MYO18B: variants seen among roughly 807,000 people sequenced by gnomAD.
MYO18B encodes unconventional myosin-XVIIIb.
MYO18B carries 204 observed loss-of-function variants against 273.0 expected under a neutral mutation model. That is an observed-to-expected ratio of 0.75 (90% confidence interval 0.67 to 0.84). The LOEUF is 0.84. MYO18B is among the 40% of genes least tolerant of loss of function. The pLI is 0.00. For synonymous variants in MYO18B, 1,330 were observed against 1,305.7 expected (o/e 1.02, Z -0.40); for missense variants, 3,212 against 3,287.6 (o/e 0.98, Z 0.56).
chr22:25,818,735 T>G (rs970477894), intron 12 of MYO18B, among the ~76,000 whole-genome samples: 1 of 152,134 alleles, frequency 6.6e-6, no homozygotes, highest in South Asian at 2.1e-4. Context: ...GGCTGAAGGG[T>G]ACCCTCCTTG....
rs556532564 is a variant in MYO18B, at chr22:25,921,331, C to T, written c.5439C>T (p.Asp1813=). ...DLRRTHALLS[D]VQLLLGTMED... The stretch of plus-strand genomic sequence containing the variant: ...GGAGGACACATGCACTGTTGTCAGA[C>T]GTGCAGCTCCTTCTGGGCACCATGG... The change falls in exon 34 of 44, where the codon GAC becomes GAT. Residue 1813 remains aspartate (D), a synonymous_variant. Transcript: ENST00000335473. The T allele has an allele frequency of 2.9e-5, 46 of 1,578,372 alleles. No individual in the cohort carries two copies. In the East Asian group the frequency reaches 5.1e-4, roughly 18 times the overall value.
At chr22:25,783,492 C>A (rs1222741920) in intron 10 of MYO18B, among the ~76,000 whole-genome samples, 1 of 131,632 alleles carries the variant, frequency 7.6e-6, no homozygotes, top group Non-Finnish European at 1.7e-5. Flanking sequence ...CCTCTCAGAA[C>A]ATCTCTCAGA....
rs117328329 is a variant in MYO18B, at chr22:25,908,908, C to T, written c.5259+476C>T. 9.8e-5 allele frequency among the ~76,000 whole-genome samples: 15 copies of T among 152,350 alleles called. No homozygotes were observed. In the East Asian group the frequency reaches 2.9e-3, roughly 29 times the overall value. ...AGTGTTCTTTTATAGCTCTCTTTCA[C>T]TCTCTGTACACACATGCAGATTTGC... On this transcript the variant is annotated intron_variant, in intron 32 of 43. Transcript: ENST00000335473.
chr22:25,790,878 G>T (rs1307036348), intron 11 of MYO18B, among the ~76,000 whole-genome samples: 1 of 152,110 alleles, frequency 6.6e-6, no homozygotes, highest in African/African-American at 2.4e-5. Flanking sequence ...AAGCCTGGGG[G>T]TCCCATCCCT....
chr22:26,035,669 A>G (rs1475563495), downstream of MYO18B, among the ~76,000 whole-genome samples: 1 of 152,232 alleles, frequency 6.6e-6, no homozygotes, highest in Non-Finnish European at 1.5e-5. Flanking sequence ...TTGAGACAAC[A>G]AATGTTGCTC....
rs1555961004 is a variant in MYO18B at position 25,948,527 on chromosome 22, T to TTCCTTCCTTC, written c.5748+699_5748+700insTCCTTCCTTC. 5.0e-3 allele frequency among the ~76,000 whole-genome samples: 553 copies of TTCCTTCCTTC among 110,466 alleles called. 14 individuals are homozygous for TTCCTTCCTTC. Among genetic ancestry groups the TTCCTTCCTTC allele is most frequent in the African/African-American group, 0.012 (346 of 29,410 alleles). The allele number at this position is 110,466 out of a possible 152,430, so 72.5% of individuals were successfully genotyped here. On this transcript the variant is annotated intron_variant, in intron 36 of 43. Transcript: ENST00000335473. ...TCTCTTTTCTCTTTCCTTCTTTCTT[T>TTCCTTCCTTC]CTTCCTTCCTTCCTTCCTTCCTTTC... is the stretch of plus-strand genomic sequence containing the variant.
intron 11 of MYO18B, among the ~76,000 whole-genome samples, chr22:25,792,497 C>A (rs11090410): frequency 9.3e-6 from 1 of 107,956 alleles, no homozygotes; most frequent in Admixed American, 1.2e-4. Flanking sequence ...TTTTTCTTTT[C>A]TTTTTTTTTT....
At chr22:25,952,179 A>G in intron 37 of MYO18B, 107 bp from the exon 38 acceptor site, 1 of 1,211,634 alleles carries the variant, frequency 8.3e-7, no homozygotes, top group Non-Finnish European at 1.2e-6. Flanking sequence ...GTAGAGAAGG[A>G]GGTGGTGTGA....
Position 25,835,439 on chromosome 22 carries a change from T to C in MYO18B, c.3204T>C (p.Thr1068=). ...CAAFEKKGAG[T]EGSSALRTCE... is the part of the protein sequence containing the mutation. ...CTTTCGAGAAGAAAGGAGCTGGGACTGAAGGTAAGGAAGCAGGGGGCTGGG... is the reference window on the plus strand; with the variant it reads ...CTTTCGAGAAGAAAGGAGCTGGGACCGAAGGTAAGGAAGCAGGGGGCTGGG... Residue 1068 remains threonine, a synonymous_variant, in exon 17 of 44, where the codon ACT becomes ACC. Coordinates refer to ENST00000335473, the MANE Select transcript of MYO18B (RefSeq NM_032608.7). 6.2e-7 allele frequency: 1 copy of C among 1,613,742 alleles called. No individual in the cohort carries two copies. The highest frequency in any genetic ancestry group is 8.5e-7 in the Non-Finnish European group (1 of 1,179,862).
intron 15 of MYO18B, among the ~76,000 whole-genome samples, 184 bp downstream of exon 15, chr22:25,829,152 C>G (rs1231910399): frequency 6.6e-6 from 1 of 152,214 alleles, no homozygotes; most frequent in Non-Finnish European, 1.5e-5. Context: ...ACAGCCCAGC[C>G]TCCCCCTGCC....
the MYO18B span, among the ~76,000 whole-genome samples, chr22:26,043,767 T>C: frequency 5.3e-3 from 800 of 152,196 alleles, 5 homozygotes; most frequent in African/African-American, 0.016. Flanking sequence ...ACCTGCCTCG[T>C]TGGCCTCCCA....
At chr22:25,996,581 G>A (rs1933268689) in intron 40 of MYO18B, among the ~76,000 whole-genome samples, 3 of 152,130 alleles carry the variant, frequency 2.0e-5, no homozygotes, top group South Asian at 4.1e-4. Context: ...GTGTATGTGT[G>A]TGAGTGTGTC....
At chr22:25,819,241 C>G (rs1033472260) in intron 12 of MYO18B, among the ~76,000 whole-genome samples, 4 of 152,226 alleles carry the variant, frequency 2.6e-5, no homozygotes, top group Admixed American at 2.0e-4. Context: ...AAATATCCCC[C>G]CTAGGTCAGG....
intron 42 of MYO18B, among the ~76,000 whole-genome samples, chr22:26,007,826 A>G (rs1351024561): frequency 6.6e-6 from 1 of 152,224 alleles, no homozygotes; most frequent in Non-Finnish European, 1.5e-5. Context: ...CAAGCAATCT[A>G]TGAATACTTC....
intron 33 of MYO18B, among the ~76,000 whole-genome samples, chr22:25,912,722 G>A (rs2092181932): frequency 6.6e-6 from 1 of 152,120 alleles, no homozygotes; most frequent in Admixed American, 6.5e-5. Flanking sequence ...TTTTAAGAAC[G>A]GTTGGTGGCC....
At chr22:25,898,543 C>T in intron 29 of MYO18B, 82 bp downstream of exon 29, 1 of 1,469,794 alleles carries the variant, frequency 6.8e-7, no homozygotes, top group Non-Finnish European at 9.3e-7. Context: ...TCCAGGTTCT[C>T]CTAACTCCCT....
At chr22:25,925,859 C>G (rs1037715612) in intron 34 of MYO18B, among the ~76,000 whole-genome samples, 2 of 141,972 alleles carry the variant, frequency 1.4e-5, no homozygotes, top group African/African-American at 2.7e-5. Flanking sequence ...GAACTGAGAT[C>G]GCGCCATTGC....
chr22:26,058,683 A>G, the MYO18B span, among the ~76,000 whole-genome samples: 1 of 152,120 alleles, frequency 6.6e-6, no homozygotes, highest in Non-Finnish European at 1.5e-5. Flanking sequence ...GGTTGTTAAA[A>G]AGAGCCTAGC....
At chr22:26,062,639 A>G in the MYO18B span, among the ~76,000 whole-genome samples, 62 of 152,262 alleles carry the variant, frequency 4.1e-4, no homozygotes, top group African/African-American at 1.4e-3. Context: ...ATTTTTGCTT[A>G]AGGTAGGTTG....
Sources: gnomAD v4.1 joint callset for allele counts (sites outside exome capture counted in the v4.1 genomes callset) on GRCh38, gnomAD v4.1.1 for gene constraint, MANE v1.5 for transcripts, NCBI Gene and HGNC (gene_info 2026-07-23, HGNC 2026-07-21) for gene names.